Variants in EDA observed in about 807,000 individuals in gnomAD.
The protein encoded by EDA is ectodysplasin-A.
A neutral mutation model predicts 23.6 loss-of-function variants in EDA; 2 were observed. That is an observed-to-expected ratio of 0.08 (90% CI 0.03 to 0.27). The LOEUF is 0.27. Among genes scored for constraint, EDA ranks in the 10% least tolerant of loss-of-function variants. The pLI is 1.00. For missense variants in EDA, 229 were observed against 324.2 expected (o/e 0.71, Z 2.26); for synonymous variants, 131 against 132.0 (o/e 0.99, Z 0.05).
At chrX:69,951,405 A>G (rs1000000029) in intron 1 of EDA, among the ~76,000 whole-genome samples, 4 of 111,113 alleles carry the variant, frequency 3.6e-5, no homozygotes, top group Non-Finnish European at 7.5e-5. Context: ...CTTCTTTATA[A>G]GATACCGAAT....
chrX:69,779,920 A>G (rs1364925828), intron 1 of EDA, among the ~76,000 whole-genome samples: 2 of 111,358 alleles, frequency 1.8e-5, no homozygotes, highest in African/African-American at 6.5e-5. Flanking sequence ...AAAGGCTTAT[A>G]TGGCCATGAT....
intron 3 of EDA, among the ~76,000 whole-genome samples, chrX:70,024,972 T>C (rs1453297072): frequency 3.6e-5 from 4 of 111,118 alleles, no homozygotes; most frequent in Non-Finnish European, 7.5e-5. Flanking sequence ...GAGAAGGGAG[T>C]CAATCCTCTG....
chrX:69,856,259 GTGTGTGTGT>G (rs2017248960), intron 1 of EDA, among the ~76,000 whole-genome samples: 2 of 86,192 alleles, frequency 2.3e-5, no homozygotes, highest in African/African-American at 4.1e-5. Flanking sequence ...TCCATGGTGT[GTGTGTGTGT>G]GTGTGTGTGT....
chrX:69,908,807 G>A (rs1274914935), intron 1 of EDA, among the ~76,000 whole-genome samples: 3 of 110,015 alleles, frequency 2.7e-5, no homozygotes, highest in African/African-American at 6.6e-5. Context: ...TTTTGGCTTA[G>A]TTTAGGACAA....
At chrX:69,849,846 G>C (rs2017089393) in intron 1 of EDA, among the ~76,000 whole-genome samples, 1 of 112,031 alleles carries the variant, frequency 8.9e-6, no homozygotes, top group Non-Finnish European at 1.9e-5. Context: ...AGAAACAACT[G>C]TTGGTGGTGG....
intron 1 of EDA, among the ~76,000 whole-genome samples, chrX:69,753,926 A>G (rs2013999739): frequency 9.4e-6 from 1 of 106,029 alleles, no homozygotes; most frequent in African/African-American, 3.5e-5. Flanking sequence ...TTTGCTTGGT[A>G]TATCTTCCTC....
At chrX:69,683,395 A>G (rs1934441158) in intron 1 of EDA, among the ~76,000 whole-genome samples, 1 of 111,337 alleles carries the variant, frequency 9.0e-6, no homozygotes, top group Non-Finnish European at 1.9e-5. Flanking sequence ...GATGACTACT[A>G]CTGCTGTCTC....
chrX:69,762,076 C>T (rs1337652461), intron 1 of EDA, among the ~76,000 whole-genome samples: 1 of 111,377 alleles, frequency 9.0e-6, no homozygotes, highest in African/African-American at 3.3e-5. Context: ...GATAAGTTAC[C>T]TAGAAAAGTG....
intron 7 of EDA, 108 bp from the exon 8 acceptor site, chrX:70,035,250 G>A: frequency 4.3e-6 from 4 of 935,691 alleles, no homozygotes; most frequent in Non-Finnish European, 5.9e-6. Context: ...CCATCCATGG[G>A]GTATACTAAC....
intron 1 of EDA, among the ~76,000 whole-genome samples, chrX:69,803,076 A>G (rs946410040): frequency 1.1e-4 from 12 of 111,013 alleles, no homozygotes; most frequent in Non-Finnish European, 2.3e-4. Flanking sequence ...TTGGTATGTT[A>G]AGATTTATAT....
At chrX:69,694,408 G>A (rs957079521) in intron 1 of EDA, among the ~76,000 whole-genome samples, 3 of 111,914 alleles carry the variant, frequency 2.7e-5, no homozygotes, top group African/African-American at 9.7e-5. Context: ...AATAATTCTT[G>A]TTCTGCGTTT....
At chrX:69,818,601 A>T (rs1233215175) in intron 1 of EDA, among the ~76,000 whole-genome samples, 1 of 111,823 alleles carries the variant, frequency 8.9e-6, no homozygotes, top group Non-Finnish European at 1.9e-5. Flanking sequence ...CTATGCACAT[A>T]AACTAGAAAA....
intron 1 of EDA, among the ~76,000 whole-genome samples, chrX:69,776,836 G>A (rs1188954772): frequency 9.0e-6 from 1 of 111,504 alleles, no homozygotes; most frequent in African/African-American, 3.3e-5. Context: ...ATAGTCAGGT[G>A]TGTGTGTATT....
intron 1 of EDA, among the ~76,000 whole-genome samples, chrX:69,689,185 G>A (rs1420288070): frequency 1.8e-5 from 2 of 110,502 alleles, no homozygotes; most frequent in Admixed American, 1.9e-4. Context: ...AAATCAGGAC[G>A]TATGAGTCGT....
intron 1 of EDA, among the ~76,000 whole-genome samples, chrX:69,778,169 G>A (rs1602394982): frequency 9.0e-6 from 1 of 111,494 alleles, no homozygotes; most frequent in Admixed American, 9.6e-5. Flanking sequence ...TTTAATTATA[G>A]CAGTGTAATA....
intron 1 of EDA, among the ~76,000 whole-genome samples, chrX:69,915,496 G>A (rs1055793492): frequency 8.2e-5 from 9 of 109,502 alleles, no homozygotes; most frequent in Admixed American, 3.9e-4. Flanking sequence ...CCAGCTACTC[G>A]GGAGGCTGAG....
At chrX:69,734,916 G>A (rs1224020853) in intron 1 of EDA, among the ~76,000 whole-genome samples, 1 of 111,404 alleles carries the variant, frequency 9.0e-6, no homozygotes, top group Non-Finnish European at 1.9e-5. Context: ...CTTCTGCATT[G>A]TTGGTAGGAT....
intron 1 of EDA, among the ~76,000 whole-genome samples, chrX:69,655,091 A>G (rs1174841109): frequency 8.9e-6 from 1 of 112,176 alleles, no homozygotes; most frequent in Non-Finnish European, 1.9e-5. Context: ...AATGCTAGAG[A>G]TAGAATAGAA....
chrX:69,624,789 C>CCT (rs751401580), intron 1 of EDA, among the ~76,000 whole-genome samples: 3,540 of 95,646 alleles, frequency 0.037, 118 homozygotes, highest in African/African-American at 0.099. Flanking sequence ...GTCAGAAGCT[C>CCT]CTCTCTCTCT....
Sources: allele counts gnomAD v4.1 joint callset (sites outside exome capture counted in the v4.1 genomes callset), GRCh38; gene constraint gnomAD v4.1.1; transcripts MANE v1.5; gene names NCBI Gene and HGNC (gene_info 2026-07-23, HGNC 2026-07-21).